RYR3: variants seen among roughly 807,000 people sequenced by gnomAD.
The protein encoded by RYR3 is brain ryanodine receptor-calcium release channel.
RYR3 carries 207 observed loss-of-function variants against 584.3 expected under a neutral mutation model. The observed-to-expected ratio is 0.35, with a 90% CI of 0.32 to 0.40. RYR3 has a LOEUF of 0.40. Ranked by LOEUF, RYR3 falls within the 10% of genes least tolerant of loss-of-function variation. The pLI, the probability that RYR3 is intolerant of heterozygous loss-of-function variation, is 1.00. For missense variants in RYR3, 5,616 were observed against 6,089.2 expected (o/e 0.92, Z 2.59); for synonymous variants, 2,416 against 2,248.5 (o/e 1.07, Z -2.11).
chr15:33,328,021 G>A (rs994181194), intron 1 of RYR3, among the ~76,000 whole-genome samples: 2 of 152,202 alleles, frequency 1.3e-5, no homozygotes, highest in Non-Finnish European at 2.9e-5. Flanking sequence ...AAAGGGGGTT[G>A]TGTCTGTATG....
rs111370716 is a variant in RYR3, at chr15:33,756,301, C to T, written c.8516-5C>T. The T allele has an allele frequency of 7.8e-5, 122 of 1,570,574 alleles. No homozygotes were observed. The highest frequency in any genetic ancestry group is 4.2e-4 in the East Asian group (18 of 42,938). On this transcript the variant is annotated splice_region_variant and splice_polypyrimidine_tract_variant and intron_variant, in intron 58 of 103. Transcript: ENST00000634891. ...GCCAACTTTGTGTTACCTGTGTCTT[C>T]GTAGAAGCCATTGTCAGCAGTGGGA...
chr15:33,379,978 A>G (rs530737210), intron 1 of RYR3, among the ~76,000 whole-genome samples: 1 of 152,194 alleles, frequency 6.6e-6, no homozygotes, highest in Admixed American at 6.5e-5. Context: ...AGCCAGCATT[A>G]GAGAAAGAAG....
At chr15:33,705,201 T>C (rs983720807) in intron 42 of RYR3, among the ~76,000 whole-genome samples, 9 of 151,996 alleles carry the variant, frequency 5.9e-5, no homozygotes, top group African/African-American at 2.2e-4. Flanking sequence ...TGCCCAATTC[T>C]GGCCCTTATT....
At chr15:33,832,021 C>T (rs137905231) in intron 86 of RYR3, among the ~76,000 whole-genome samples, 2,682 of 152,218 alleles carry the variant, frequency 0.018, 81 homozygotes, top group African/African-American at 0.062. Flanking sequence ...CAGCCAGATG[C>T]GGTGGCTCAT....
chr15:33,774,677 C>T (rs1432891222), intron 64 of RYR3, among the ~76,000 whole-genome samples: 5 of 152,172 alleles, frequency 3.3e-5, no homozygotes, highest in Admixed American at 6.5e-5. Context: ...AATTGAGGAA[C>T]TAATGGCTGC....
In RYR3 at chr15:33,644,368, C is replaced by T. The variant is rs2061985710; in HGVS notation, c.3614C>T (p.Thr1205Ile). The T allele has an allele frequency of 3.1e-6, 5 of 1,613,222 alleles. No individual in the cohort carries two copies. The highest frequency in any genetic ancestry group is 1.6e-4 in the Middle Eastern group (1 of 6,078). ...CAGATCGGCCGCATGAATCTCGGGA[C>T]AGATGCCAGTACCTTCAAGTTTTAT... ...LSQIGRMNLG[T>I]DASTFKFYTM... The change falls in exon 28 of 104, where the codon ACA (threonine) becomes ATA (isoleucine). Residue 1205 changes from threonine to isoleucine, a missense_variant. Physicochemically the swap from Thr to Ile is moderately conservative, Grantham distance 89 (BLOSUM62 -1). Coordinates refer to ENST00000634891, the MANE Select transcript of RYR3 (RefSeq NM_001036.6).
intron 62 of RYR3, among the ~76,000 whole-genome samples, chr15:33,771,095 T>C (rs2073531508): frequency 6.6e-6 from 1 of 151,670 alleles, no homozygotes; most frequent in Admixed American, 6.5e-5. Context: ...AAACGGCTAG[T>C]TGTCTCTTTT....
chr15:33,799,496 G>A (rs2075803495), intron 67 of RYR3, among the ~76,000 whole-genome samples: 1 of 152,208 alleles, frequency 6.6e-6, no homozygotes, highest in Admixed American at 6.5e-5. Flanking sequence ...AACACACAAA[G>A]GTACTGGGAA....
chr15:33,655,034 G>A lies in RYR3; in HGVS notation c.4308+2151G>A, dbSNP rs74005932. Reference sequence around the variant, plus strand: ...GGAGCAGCCTGTTGGCACAGAGGCCGCCACCTTGTCTCTCCAGCACCTCCT... The same window carrying A: ...GGAGCAGCCTGTTGGCACAGAGGCCACCACCTTGTCTCTCCAGCACCTCCT... On this transcript the variant is annotated intron_variant, in intron 32 of 103. Coordinates refer to ENST00000634891, the MANE Select transcript of RYR3 (RefSeq NM_001036.6). 5.6e-3 allele frequency among the ~76,000 whole-genome samples: 858 copies of A among 152,252 alleles called. 6 individuals carry two copies. Among genetic ancestry groups the A allele is most frequent in the African/African-American group, 0.019 (769 of 41,542 alleles).
At chr15:33,850,178 A>T (rs2079000292) in intron 94 of RYR3, 1 of 152,106 alleles carries the variant, frequency 6.6e-6, no homozygotes, top group African/African-American at 2.4e-5. Flanking sequence ...CAGGAGTTCG[A>T]GACCAGCCTG....
At chr15:33,331,723 A>G (rs1388186994) in intron 1 of RYR3, among the ~76,000 whole-genome samples, 1 of 152,110 alleles carries the variant, frequency 6.6e-6, no homozygotes, top group Non-Finnish European at 1.5e-5. Context: ...AAGAATAAAA[A>G]TGGTCATAAA....
intron 2 of RYR3, among the ~76,000 whole-genome samples, chr15:33,497,207 C>T (rs1035655242): frequency 2.6e-5 from 4 of 152,186 alleles, no homozygotes; most frequent in African/African-American, 9.6e-5. Context: ...TACATCACCA[C>T]AGAAATTTCT....
At chr15:33,472,316 T>C (rs1201278293) in intron 1 of RYR3, among the ~76,000 whole-genome samples, 1 of 152,218 alleles carries the variant, frequency 6.6e-6, no homozygotes, top group East Asian at 1.9e-4. Context: ...GACCATTTTA[T>C]TTTCTTCACT....
chr15:33,830,919 G>T, intron 85 of RYR3, 44 bp from the exon 86 acceptor site: 1 of 1,599,010 alleles, frequency 6.3e-7, no homozygotes, highest in South Asian at 1.1e-5. Flanking sequence ...TAGCTTCACT[G>T]ACTGAAGTCT....
At chr15:33,423,372 G>A (rs929121070) in intron 1 of RYR3, among the ~76,000 whole-genome samples, 9 of 152,146 alleles carry the variant, frequency 5.9e-5, no homozygotes, top group Non-Finnish European at 1.3e-4. Context: ...TCAATTGTAT[G>A]TATAGACTGT....
At chr15:33,770,384 T>A (rs1038987368) in intron 62 of RYR3, among the ~76,000 whole-genome samples, 5 of 152,322 alleles carry the variant, frequency 3.3e-5, no homozygotes, top group Non-Finnish European at 4.4e-5. Flanking sequence ...TTATTTTGTT[T>A]TGTTTTGTTT....
intron 1 of RYR3, among the ~76,000 whole-genome samples, chr15:33,348,786 A>C (rs1408992003): frequency 6.6e-6 from 1 of 152,084 alleles, no homozygotes; most frequent in Non-Finnish European, 1.5e-5. Flanking sequence ...TAATTTAAAA[A>C]AAAAAAATTG....
chr15:33,385,159 A>G (rs2041496330), intron 1 of RYR3, among the ~76,000 whole-genome samples: 1 of 152,206 alleles, frequency 6.6e-6, no homozygotes, highest in African/African-American at 2.4e-5. Context: ...TTCTGGATGT[A>G]TACAACATTC....
intron 60 of RYR3, among the ~76,000 whole-genome samples, chr15:33,761,090 C>T (rs1299235329): frequency 6.6e-6 from 1 of 152,086 alleles, no homozygotes; most frequent in Non-Finnish European, 1.5e-5. Context: ...TCTGGGACAC[C>T]AGCCAAAGCA....
Sources: gnomAD v4.1 joint callset for allele counts (sites outside exome capture counted in the v4.1 genomes callset) on GRCh38, gnomAD v4.1.1 for gene constraint, MANE v1.5 for transcripts, NCBI Gene and HGNC (gene_info 2026-07-23, HGNC 2026-07-21) for gene names.